The following NPAT variants were observed in gnomAD, a reference collection of about 807,000 sequenced individuals.
NPAT encodes the protein nuclear protein, coactivator of histone transcription.
In NPAT, 52 loss-of-function variants were observed where a neutral mutation model predicts 130.7. That is an observed-to-expected ratio of 0.40 (90% CI 0.32 to 0.50). NPAT has a LOEUF of 0.50. NPAT is among the 20% of genes least tolerant of loss of function. The pLI, the probability that NPAT is intolerant of heterozygous loss-of-function variation, is 0.68. For synonymous variants in NPAT, 580 were observed against 584.8 expected (o/e 0.99, Z 0.12); for missense variants, 1,687 against 1,662.6 (o/e 1.01, Z -0.26).
At chr11:108,172,054 AAAG>A in intron 13 of NPAT, 142 bp downstream of exon 13, 3 of 718,542 alleles carry the variant, frequency 4.2e-6, no homozygotes, top group South Asian at 3.2e-5. Flanking sequence ...TAGCTAGCAT[AAAG>A]AAGCAGCGTA....
Position 108,202,569 on chromosome 11 carries a change from C to A in NPAT, c.38-5149G>T, listed in dbSNP as rs76607997. Reference sequence around the variant, plus strand: ...AAGTTCTTAAAATCCTTCAGCAAGCCCTCCACCTAGGTAAGCATAAAACCT... The same window carrying A: ...AAGTTCTTAAAATCCTTCAGCAAGCACTCCACCTAGGTAAGCATAAAACCT... On this transcript the variant is annotated intron_variant, in intron 1 of 17. Transcript: ENST00000278612. 7.7e-3 allele frequency among the ~76,000 whole-genome samples: 1,176 copies of A among 152,218 alleles called. 8 individuals are homozygous for A. The highest frequency in any genetic ancestry group is 0.024 in the African/African-American group (1,005 of 41,518).
chr11:108,179,869 G>C (rs995936183), intron 10 of NPAT, among the ~76,000 whole-genome samples: 6 of 152,090 alleles, frequency 3.9e-5, no homozygotes, highest in Admixed American at 3.3e-4. Context: ...TGATTTCTTG[G>C]ATTGACACTA....
chr11:108,170,210 C>T (rs1296549735), intron 13 of NPAT, 167 bp from the exon 14 acceptor site: 6 of 594,126 alleles, frequency 1.0e-5, no homozygotes, highest in African/African-American at 3.8e-5. Context: ...ACAAAAAAAA[C>T]GAAACTGAAA....
intron 10 of NPAT, among the ~76,000 whole-genome samples, chr11:108,179,938 T>C (rs1400734557): frequency 1.3e-5 from 2 of 152,182 alleles, no homozygotes; most frequent in Non-Finnish European, 1.5e-5. Flanking sequence ...TGTTAAAACC[T>C]ATGCGGATCA....
At chr11:108,164,155 A>C (rs2077879090) in intron 15 of NPAT, among the ~76,000 whole-genome samples, 1 of 152,252 alleles carries the variant, frequency 6.6e-6, no homozygotes, top group Non-Finnish European at 1.5e-5. Context: ...TAAAACCACT[A>C]GCTAAGAGTG....
In NPAT at chr11:108,157,935, A is replaced by G. The variant is rs1207414552; in HGVS notation, c.*1007T>C. On this transcript the variant is annotated 3_prime_UTR_variant, in exon 18 of 18. Coordinates refer to ENST00000278612, the MANE Select transcript of NPAT (RefSeq NM_002519.3). ...GGACACAGACAATGCACTATATCTA[A>G]GTATAGATATAGTTATTTAACATAC... is the stretch of plus-strand genomic sequence containing the variant. 6.6e-6 allele frequency: 1 copy of G among 152,540 alleles called. No individual in the cohort carries two copies. The highest frequency in any genetic ancestry group is 1.5e-5 in the Non-Finnish European group (1 of 67,962). 9.4% of individuals were successfully genotyped at this position (152,540 alleles called of 1,614,324 possible).
At chr11:108,166,290 G>A (rs1304333353) in intron 15 of NPAT, among the ~76,000 whole-genome samples, 1 of 152,052 alleles carries the variant, frequency 6.6e-6, no homozygotes, top group Admixed American at 6.6e-5. Context: ...TACAAGGGAG[G>A]CTGAGACAGA....
rs1191255553 is a variant in NPAT at position 108,160,987 on chromosome 11, T to C, written c.4099A>G (p.Thr1367Ala). 3 of 1,614,088 alleles carry C rather than the reference T, an allele frequency of 1.9e-6. No individual in the cohort carries two copies. The African/African-American group carries it at 4.0e-5, about 22-fold the overall frequency. Reference sequence around the variant, plus strand: ...AATTCCTCAATTTTCCGCTTTTTTGTGGTGCTCCTTGAAGATGCTCTAAAC... The same window carrying C: ...AATTCCTCAATTTTCCGCTTTTTTGCGGTGCTCCTTGAAGATGCTCTAAAC... ...QQFRASSRST[T>A]KKRKIEELDE... The change falls in exon 17 of 18, where the codon ACA (threonine) becomes GCA (alanine). Residue 1367 changes from threonine (T) to alanine (A), a missense_variant. Thr to Ala is a moderately conservative substitution (Grantham distance 58). Around this residue, in one of 3 missense-constraint regions of NPAT, gnomAD observed 1,379 missense variants for 1,346.6 expected, o/e 1.02. Transcript: ENST00000278612.
intron 1 of NPAT, among the ~76,000 whole-genome samples, chr11:108,215,263 T>C (rs2078422578): frequency 6.6e-6 from 1 of 152,052 alleles, no homozygotes; most frequent in East Asian, 1.9e-4. Flanking sequence ...CTTATCTCAG[T>C]GCTGGCATAA....
At chr11:108,219,949 T>C (rs1180901574) in intron 1 of NPAT, among the ~76,000 whole-genome samples, 6 of 152,232 alleles carry the variant, frequency 3.9e-5, no homozygotes, top group Non-Finnish European at 5.9e-5. Flanking sequence ...AGATCAGGCA[T>C]GACCTGAACC....
chr11:108,176,852 T>G (rs2078011019), intron 11 of NPAT, 142 bp downstream of exon 11: 1 of 642,456 alleles, frequency 1.6e-6, no homozygotes, highest in Admixed American at 2.5e-5. Context: ...AAACACTCCT[T>G]TAACATATCC....
intron 1 of NPAT, among the ~76,000 whole-genome samples, chr11:108,216,444 A>C (rs1434263982): frequency 6.6e-6 from 1 of 152,024 alleles, no homozygotes; most frequent in Non-Finnish European, 1.5e-5. Flanking sequence ...GATACACATG[A>C]TATATAAACA....
At chr11:108,191,243 T>G (rs1435586407) in intron 4 of NPAT, among the ~76,000 whole-genome samples, 3 of 152,224 alleles carry the variant, frequency 2.0e-5, no homozygotes, top group Non-Finnish European at 2.9e-5. Context: ...AATCCCCAAG[T>G]TGATGTCAGA....
intron 1 of NPAT, among the ~76,000 whole-genome samples, chr11:108,216,833 C>A (rs1009540775): frequency 2.0e-5 from 3 of 152,138 alleles, no homozygotes; most frequent in African/African-American, 7.2e-5. Context: ...CATGCCCCAA[C>A]TTTGGCAATC....
intron 1 of NPAT, among the ~76,000 whole-genome samples, chr11:108,210,079 GA>G (rs931523489): frequency 1.0e-4 from 14 of 140,532 alleles, no homozygotes; most frequent in South Asian, 2.3e-4. Flanking sequence ...TAGACCAACC[GA>G]AAAAAAAAAG....
Position 108,159,630 on chromosome 11 carries a change from C to T in NPAT, c.4207-611G>A, listed in dbSNP as rs75511775. On this transcript the variant is annotated intron_variant, in intron 17 of 17. Transcript: ENST00000278612. The stretch of plus-strand genomic sequence containing the variant: ...ACTTTCTTTCTATTCAATCCACTTA[C>T]TAAACAGCTAACCAAATCGAAAATA... 7.6e-3 allele frequency among the ~76,000 whole-genome samples: 1,161 copies of T among 152,264 alleles called. 33 individuals carry two copies. The highest frequency in any genetic ancestry group is 0.058 in the Admixed American group (888 of 15,290).
chr11:108,173,009 A>C lies in NPAT; in HGVS notation c.1975T>G (p.Ser659Ala). The change falls in exon 13 of 18, where the codon TCA becomes GCA. Residue 659 changes from serine (S) to alanine (A), a missense_variant. Coordinates refer to ENST00000278612, the MANE Select transcript of NPAT (RefSeq NM_002519.3). Reference protein sequence around the residue: ...NEAQASKSENSQEPSSSVKEE... With the variant: ...NEAQASKSENAQEPSSSVKEE... ...TTTACAGAAGATGAAGGCTCCTGTGAATTCTCAGACTTGGATGCCTGAGCT... is the reference window on the plus strand; with the variant it reads ...TTTACAGAAGATGAAGGCTCCTGTGCATTCTCAGACTTGGATGCCTGAGCT... The C allele has an allele frequency of 2.5e-6, 4 of 1,614,092 alleles. No individual in the cohort carries two copies. The highest frequency in any genetic ancestry group is 3.4e-6 in the Non-Finnish European group (4 of 1,179,998).
chr11:108,184,929 T>G (rs1170131676), intron 10 of NPAT, among the ~76,000 whole-genome samples: 3 of 152,236 alleles, frequency 2.0e-5, no homozygotes, highest in African/African-American at 7.2e-5. Flanking sequence ...AACACTGTAT[T>G]ACTGTTTATT....
At chr11:108,170,560 G>C (rs2134832131) in intron 13 of NPAT, among the ~76,000 whole-genome samples, 1 of 152,288 alleles carries the variant, frequency 6.6e-6, no homozygotes. Flanking sequence ...AAACTATGGA[G>C]GGAAAATTAC....
Sources: gnomAD v4.1 joint callset for allele counts (sites outside exome capture counted in the v4.1 genomes callset) on GRCh38, gnomAD v4.1.1 for gene constraint, gnomAD v4.1.1 regional missense constraint, MANE v1.5 for transcripts, NCBI Gene and HGNC (gene_info 2026-07-23, HGNC 2026-07-21) for gene names.